Variants in PTPRM observed in about 807,000 individuals in gnomAD.
PTPRM encodes the protein protein tyrosine phosphatase receptor type M.
Under a neutral mutation model 186.7 loss-of-function variants are expected in PTPRM, and 47 were observed. That is an observed-to-expected ratio of 0.25 (90% confidence interval 0.20 to 0.32). The LOEUF (loss-of-function observed/expected upper bound fraction) is 0.32, where lower values mean the gene tolerates loss of function less well. Among genes scored for constraint, PTPRM ranks in the 10% least tolerant of loss-of-function variants. The probability of loss-of-function intolerance (pLI) is 1.00; values close to 1 mark genes in which losing one functional copy is unlikely to be tolerated. For missense variants in PTPRM, 1,494 were observed against 1,865.0 expected (o/e 0.80, Z 3.66); for synonymous variants, 668 against 674.9 (o/e 0.99, Z 0.16).
chr18:7,942,275 T>A (rs2052224929), intron 5 of PTPRM, among the ~76,000 whole-genome samples: 1 of 138,964 alleles, frequency 7.2e-6, no homozygotes. Flanking sequence ...AGAGCAAGAC[T>A]CCGTCTCAAA....
At chr18:8,220,010 A>T (rs1039830509) in intron 14 of PTPRM, among the ~76,000 whole-genome samples, 2 of 152,166 alleles carry the variant, frequency 1.3e-5, no homozygotes, top group Non-Finnish European at 2.9e-5. Flanking sequence ...TGACCTCCCC[A>T]TCACATCCAG....
chr18:8,121,412 A>G (rs1449998577), intron 13 of PTPRM, among the ~76,000 whole-genome samples: 1 of 152,132 alleles, frequency 6.6e-6, no homozygotes, highest in African/African-American at 2.4e-5. Context: ...TTCCAGCTGT[A>G]TCATGTTAGA....
intron 4 of PTPRM, among the ~76,000 whole-genome samples, chr18:7,915,454 A>T (rs919415631): frequency 5.9e-5 from 9 of 152,082 alleles, no homozygotes; most frequent in African/African-American, 1.9e-4. Context: ...CAAGATTCAG[A>T]GCATACAGCT....
intron 1 of PTPRM, among the ~76,000 whole-genome samples, chr18:7,574,193 C>T (rs947133495): frequency 8.5e-5 from 13 of 152,216 alleles, no homozygotes; most frequent in African/African-American, 2.4e-4. Flanking sequence ...TTAATACGGC[C>T]GGTATTACCA....
At chr18:8,270,793 C>A (rs1422351792) in intron 19 of PTPRM, among the ~76,000 whole-genome samples, 1 of 152,000 alleles carries the variant, frequency 6.6e-6, no homozygotes, top group Non-Finnish European at 1.5e-5. Context: ...CATGTGGAAT[C>A]TAAAAAAGTC....
At chr18:8,287,047 A>G (rs1023737869) in intron 19 of PTPRM, among the ~76,000 whole-genome samples, 2 of 152,074 alleles carry the variant, frequency 1.3e-5, no homozygotes, top group Non-Finnish European at 2.9e-5. Context: ...AGGTGAGGAC[A>G]TTTAAAACTT....
chr18:7,950,501 A>G (rs892822833), intron 6 of PTPRM, among the ~76,000 whole-genome samples: 5 of 152,352 alleles, frequency 3.3e-5, no homozygotes, highest in African/African-American at 1.2e-4. Flanking sequence ...GCTGGATTCA[A>G]ATCCCAGAAC....
intron 2 of PTPRM, among the ~76,000 whole-genome samples, chr18:7,823,359 G>A (rs2045309331): frequency 6.6e-6 from 1 of 152,222 alleles, no homozygotes; most frequent in South Asian, 2.1e-4. Context: ...CACACGTTTA[G>A]TTCCACAAAC....
chr18:8,339,518 T>C (rs2095461561), intron 22 of PTPRM, among the ~76,000 whole-genome samples: 2 of 152,084 alleles, frequency 1.3e-5, no homozygotes, highest in African/African-American at 4.8e-5. Context: ...AGAGGGAGGC[T>C]TTTCAGAGCT....
intron 19 of PTPRM, among the ~76,000 whole-genome samples, chr18:8,260,370 C>G (rs1415435035): frequency 6.6e-6 from 1 of 152,040 alleles, no homozygotes; most frequent in Non-Finnish European, 1.5e-5. Flanking sequence ...CACTATGTTG[C>G]TGAGGCTCGT....
At chr18:7,735,758 T>C (rs1329601437) in intron 1 of PTPRM, among the ~76,000 whole-genome samples, 1 of 152,170 alleles carries the variant, frequency 6.6e-6, no homozygotes, top group Non-Finnish European at 1.5e-5. Context: ...ATCTATTCTT[T>C]CTGAAGCCTG....
At chr18:8,317,283 G>A (rs761882875) in intron 21 of PTPRM, among the ~76,000 whole-genome samples, 40 of 152,168 alleles carry the variant, frequency 2.6e-4, no homozygotes, top group South Asian at 8.3e-4. Context: ...GATTGGCTAC[G>A]GGGTTCAGGA....
At chr18:8,085,314 C>T (rs1394156488) in intron 9 of PTPRM, among the ~76,000 whole-genome samples, 1 of 151,904 alleles carries the variant, frequency 6.6e-6, no homozygotes, top group Non-Finnish European at 1.5e-5. Context: ...TTATCCTTGT[C>T]AGTATCTTAT....
chr18:8,116,018 T>C (rs1215064804), intron 13 of PTPRM, among the ~76,000 whole-genome samples: 2 of 152,248 alleles, frequency 1.3e-5, no homozygotes, highest in East Asian at 3.8e-4. Flanking sequence ...TTTTATATCA[T>C]ATTGTACCTA....
rs534936469 is a variant in PTPRM, at chr18:8,357,531, AG to A, written c.3055-13354del. ...CAGCGGGTTCCTGCCTGCAGTAGGG[AG>A]GGGGTCCTTGGAGAGAATGTGGTTT... is the stretch of plus-strand genomic sequence containing the variant. On this transcript the variant is annotated intron_variant, in intron 23 of 32. Transcript: ENST00000580170. Among the ~76,000 whole-genome samples the A allele has an allele frequency of 4.7e-3, 710 of 152,218 alleles. 2 individuals carry two copies. The highest frequency in any genetic ancestry group is 8.5e-3 in the Non-Finnish European group (575 of 68,008).
intron 1 of PTPRM, 125 bp from the exon 2 acceptor site, chr18:7,774,024 A>G: frequency 2.1e-6 from 2 of 957,942 alleles, no homozygotes; most frequent in Non-Finnish European, 3.1e-6. Flanking sequence ...CCTGAGTGGA[A>G]AGACCTAATC....
chr18:7,909,477 C>CA (rs1327072075), intron 4 of PTPRM, among the ~76,000 whole-genome samples: 1 of 152,102 alleles, frequency 6.6e-6, no homozygotes, highest in African/African-American at 2.4e-5. Flanking sequence ...TCCTGAATCT[C>CA]TAAGTTAATG....
chr18:8,383,667 A>C (rs1354019590), intron 29 of PTPRM, among the ~76,000 whole-genome samples: 1 of 152,244 alleles, frequency 6.6e-6, no homozygotes, highest in South Asian at 2.1e-4. Context: ...TCCAGGCAGA[A>C]CAGCAAAGCA....
chr18:8,006,990 G>A (rs1376925902), intron 7 of PTPRM, among the ~76,000 whole-genome samples: 2 of 152,084 alleles, frequency 1.3e-5, no homozygotes, highest in African/African-American at 4.8e-5. Flanking sequence ...TAGGATACTT[G>A]TCAACTCTGT....
Sources: gnomAD v4.1 joint callset for allele counts (sites outside exome capture counted in the v4.1 genomes callset) on GRCh38, gnomAD v4.1.1 for gene constraint, MANE v1.5 for transcripts, NCBI Gene and HGNC (gene_info 2026-07-23, HGNC 2026-07-21) for gene names.